Variants in UBE2E1 observed in about 807,000 individuals in gnomAD.
UBE2E1 encodes ubiquitin conjugating enzyme E2 E1, also known as ubiquitin-conjugating enzyme E2 E1.
Under a neutral mutation model 21.4 loss-of-function variants are expected in UBE2E1, and 6 were observed. The observed-to-expected ratio is 0.28, with a 90% confidence interval of 0.15 to 0.55. The LOEUF (loss-of-function observed/expected upper bound fraction) is 0.55, where lower values mean the gene tolerates loss of function less well. Among genes scored for constraint, UBE2E1 ranks in the 20% least tolerant of loss-of-function variants. The probability of loss-of-function intolerance (pLI) is 0.93; values close to 1 mark genes in which losing one functional copy is unlikely to be tolerated. For missense variants in UBE2E1, 142 were observed against 236.5 expected (o/e 0.60, Z 2.62); for synonymous variants, 87 against 82.7 (o/e 1.05, Z -0.28).
intron 3 of UBE2E1, among the ~76,000 whole-genome samples, chr3:23,838,871 GTTGAGT>G (rs1039245018): frequency 9.3e-5 from 9 of 96,792 alleles, no homozygotes; most frequent in African/African-American, 3.4e-4. Context: ...TTGCTTTTGG[GTTGAGT>G]TTTTTTTTTT....
At position 23,842,201 on chromosome 3, in the gene UBE2E1, GT is replaced by G. The variant is rs1559482350; in HGVS notation, c.203+30692del. Among the ~76,000 whole-genome samples the G allele has an allele frequency of 0.018, 1,674 of 93,840 alleles. 23 individuals carry two copies. The highest frequency in any genetic ancestry group is 0.061 in the East Asian group (247 of 4,036). The allele number at this position is 93,840 out of a possible 152,430, so 61.6% of individuals were successfully genotyped here. ...GTCATGACCCAGTAAGTGAAGGGGT[GT>G]GTGTGTGTGTGTGTGTGTGTGTGTG... On this transcript the variant is annotated intron_variant, in intron 3 of 5. Transcript: ENST00000306627. This position sits in a 1 kb window ranked among gnomAD's most constrained non-coding sequence, Gnocchi z 4.6.
intron 3 of UBE2E1, among the ~76,000 whole-genome samples, chr3:23,875,019 T>C (rs2125322778): frequency 6.6e-6 from 1 of 152,302 alleles, no homozygotes; most frequent in Admixed American, 6.5e-5. Context: ...TGTCCACATT[T>C]TTTAGGTCTG....
chr3:23,838,122 C>T (rs1200401610), intron 3 of UBE2E1, among the ~76,000 whole-genome samples: 3 of 151,862 alleles, frequency 2.0e-5, no homozygotes, highest in Admixed American at 6.6e-5. Context: ...GGCTATAGTG[C>T]AGTGGCACAA....
At chr3:23,848,211 G>A (rs576550195) in intron 3 of UBE2E1, among the ~76,000 whole-genome samples, 1 of 152,344 alleles carries the variant, frequency 6.6e-6, no homozygotes, top group South Asian at 2.1e-4. Flanking sequence ...GCTGATGCCT[G>A]TAATCACAGC....
chr3:23,838,181 C>T (rs1700009151), intron 3 of UBE2E1, among the ~76,000 whole-genome samples: 1 of 152,122 alleles, frequency 6.6e-6, no homozygotes, highest in Admixed American at 6.5e-5. Context: ...AATCCTCCTA[C>T]CTCAGCCTCC....
chr3:23,836,791 TGACA>T lies in UBE2E1; in HGVS notation c.203+25288_203+25291del, dbSNP rs1201879348. ...GGGGCATGTGAAAGTAAATGACATA[TGACA>T]GACAGAATCATGCCCAGGAATCTAT... is the stretch of plus-strand genomic sequence containing the variant. On this transcript the variant is annotated intron_variant, in intron 3 of 5. Transcript: ENST00000306627. This position sits in a 1 kb window ranked among gnomAD's most constrained non-coding sequence, Gnocchi z 4.1. Among the ~76,000 whole-genome samples the T allele has an allele frequency of 3.3e-5, 5 of 152,204 alleles. No homozygotes were observed. Among genetic ancestry groups the T allele is most frequent in the East Asian group, 1.9e-4 (1 of 5,202 alleles).
chr3:23,847,284 G>C (rs1700227966), intron 3 of UBE2E1, among the ~76,000 whole-genome samples: 2 of 151,998 alleles, frequency 1.3e-5, no homozygotes, highest in Admixed American at 1.3e-4. Flanking sequence ...TAACTTCCTA[G>C]ATGAAAAGAA....
In UBE2E1 at chr3:23,853,026, C is replaced by T. The variant is rs745599075; in HGVS notation, c.204-34541C>T. Reference sequence around the variant, plus strand: ...ACGCCTCCTGAGTTCAAGTGATTCTCCTGCCTCAGCCTCCCAAGTAGCTGG... The same window carrying T: ...ACGCCTCCTGAGTTCAAGTGATTCTTCTGCCTCAGCCTCCCAAGTAGCTGG... On this transcript the variant is annotated intron_variant, in intron 3 of 5. Coordinates refer to ENST00000306627, the MANE Select transcript of UBE2E1 (RefSeq NM_003341.5). This position sits in a 1 kb window ranked among gnomAD's most constrained non-coding sequence, Gnocchi z 4.1. Among the ~76,000 whole-genome samples the T allele has an allele frequency of 1.3e-4, 20 of 152,092 alleles. No individual in the cohort carries two copies. The highest frequency in any genetic ancestry group is 2.5e-4 in the Non-Finnish European group (17 of 68,016).
chr3:23,815,995 G>A (rs1181106973), intron 3 of UBE2E1, among the ~76,000 whole-genome samples: 1 of 152,186 alleles, frequency 6.6e-6, no homozygotes, highest in Non-Finnish European at 1.5e-5. Context: ...CAGGCTGTTG[G>A]GAATTAGATC....
At chr3:23,881,240 A>G (rs939673225) in intron 3 of UBE2E1, among the ~76,000 whole-genome samples, 6 of 152,234 alleles carry the variant, frequency 3.9e-5, no homozygotes, top group African/African-American at 7.2e-5. Context: ...ATATTGTGTT[A>G]AAGTAGAAAT....
intron 3 of UBE2E1, among the ~76,000 whole-genome samples, chr3:23,815,578 A>T (rs1483048900): frequency 1.3e-5 from 2 of 152,100 alleles, no homozygotes; most frequent in Non-Finnish European, 2.9e-5. Flanking sequence ...TACCTCCTCG[A>T]ATTGGTGGTA....
chr3:23,884,935 T>G (rs1187871571), intron 3 of UBE2E1, among the ~76,000 whole-genome samples: 2 of 152,364 alleles, frequency 1.3e-5, no homozygotes, highest in East Asian at 3.9e-4. Flanking sequence ...TCATATATAG[T>G]CCACTTTTCA....
chr3:23,824,230 T>C (rs1467996668), intron 3 of UBE2E1, among the ~76,000 whole-genome samples: 1 of 152,220 alleles, frequency 6.6e-6, no homozygotes, highest in Non-Finnish European at 1.5e-5. Flanking sequence ...TGTTAAGATC[T>C]TGGAGCCCAG....
Position 23,842,242 on chromosome 3 carries a change from TGTGTGTGG to T in UBE2E1, c.203+30733_203+30740del, listed in dbSNP as rs746806906. Reference sequence around the variant, plus strand: ...GTGTGTGTGTGTGTGTGTGTGTGTGTGTGTGTGGTGTTGTTGTTGTTGGCGACAGGGTC... The same window carrying T: ...GTGTGTGTGTGTGTGTGTGTGTGTGTTGTTGTTGTTGTTGGCGACAGGGTC... On this transcript the variant is annotated intron_variant, in intron 3 of 5. Coordinates refer to ENST00000306627, the MANE Select transcript of UBE2E1 (RefSeq NM_003341.5). The surrounding 1 kb of genome is among the most constrained non-coding windows in gnomAD (Gnocchi z 4.6). 7.9e-3 allele frequency among the ~76,000 whole-genome samples: 525 copies of T among 66,166 alleles called. 4 individuals are homozygous for T. The highest frequency in any genetic ancestry group is 0.02 in the Middle Eastern group (3 of 152). The allele number at this position is 66,166 out of a possible 152,430, so 43.4% of individuals were successfully genotyped here. A position where few individuals can be genotyped will look rare whatever the true frequency, so the allele number is the denominator to read the frequency against.
chr3:23,849,846 A>G (rs1333615495), intron 3 of UBE2E1, among the ~76,000 whole-genome samples: 1 of 152,180 alleles, frequency 6.6e-6, no homozygotes, highest in Admixed American at 6.5e-5. Flanking sequence ...TAGTAGAATT[A>G]TTTATAATCC....
chr3:23,866,540 G>A (rs971173081), intron 3 of UBE2E1: 7 of 152,132 alleles, frequency 4.6e-5, no homozygotes, highest in Non-Finnish European at 2.9e-5. Flanking sequence ...AAAGAATTGT[G>A]CATCTTTCTT....
At chr3:23,835,682 A>G (rs959964851) in intron 3 of UBE2E1, among the ~76,000 whole-genome samples, 1 of 152,198 alleles carries the variant, frequency 6.6e-6, no homozygotes, top group Non-Finnish European at 1.5e-5. Context: ...ATAATCATCA[A>G]TTATTCAAAA....
At chr3:23,874,636 C>G (rs577379009) in intron 3 of UBE2E1, among the ~76,000 whole-genome samples, 1 of 152,246 alleles carries the variant, frequency 6.6e-6, no homozygotes, top group African/African-American at 2.4e-5. Flanking sequence ...GGATTCTGTC[C>G]TGACTCGTTT....
At chr3:23,874,157 C>G (rs1700867169) in intron 3 of UBE2E1, among the ~76,000 whole-genome samples, 1 of 152,188 alleles carries the variant, frequency 6.6e-6, no homozygotes, top group Non-Finnish European at 1.5e-5. Flanking sequence ...AATGGGAGAC[C>G]TTTAGCTAAA....
Sources: gnomAD v4.1 joint callset for allele counts (sites outside exome capture counted in the v4.1 genomes callset) on GRCh38, gnomAD v4.1.1 for gene constraint, Gnocchi (gnomAD v3.1) non-coding constraint, MANE v1.5 for transcripts, NCBI Gene and HGNC (gene_info 2026-07-23, HGNC 2026-07-21) for gene names.